PIP5K1C: variants seen among roughly 807,000 people sequenced by gnomAD.
PIP5K1C encodes phosphatidylinositol-4-phosphate 5-kinase type 1 gamma.
In PIP5K1C, 45 loss-of-function variants were observed where a neutral mutation model predicts 80.1. The ratio of observed to expected loss-of-function variants is 0.56; its 90% confidence interval spans 0.44 to 0.72. The LOEUF (loss-of-function observed/expected upper bound fraction) is 0.72. Among genes scored for constraint, PIP5K1C ranks in the 30% least tolerant of loss-of-function variants. The pLI is 0.00. For synonymous variants in PIP5K1C, 498 were observed against 420.1 expected (o/e 1.19, Z -2.27); for missense variants, 753 against 954.6 (o/e 0.79, Z 2.78).
chr19:3,646,483 G>C (rs191596005), intron 10 of PIP5K1C, among the ~76,000 whole-genome samples: 96 of 152,226 alleles, frequency 6.3e-4, no homozygotes, highest in African/African-American at 2.1e-3. Context: ...CACGTACCAG[G>C]ACTGTGAACG....
At chr19:3,668,418 G>A (rs1434172288) in intron 1 of PIP5K1C, 3 of 152,314 alleles carry the variant, frequency 2.0e-5, no homozygotes, top group African/African-American at 7.2e-5. Context: ...GTCAGACAGA[G>A]ACTGGAAGAG....
chr19:3,647,252 AGGGAGGAGGGAT>A (rs1477183236), intron 10 of PIP5K1C, 74 bp downstream of exon 10: 2 of 1,106,722 alleles, frequency 1.8e-6, no homozygotes, highest in Non-Finnish European at 2.6e-6. Flanking sequence ...GCACTCACAG[AGGGAGGAGGGAT>A]GGGAGGAGGG....
Position 3,637,749 on chromosome 19 carries a change from A to T in PIP5K1C, c.1920+1135T>A. ...AGGTGGGGACAGCTGACTGCCAAGC[A>T]GAAGGTGGGGGGTGCCGGGGCAGGG... On this transcript the variant is annotated intron_variant, in intron 16 of 17. Transcript: ENST00000335312. This position sits in a 1 kb window ranked among gnomAD's most constrained non-coding sequence, Gnocchi z 7.0. The T allele has an allele frequency of 1.3e-6, 2 of 1,525,898 alleles. No individual in the cohort carries two copies. The highest frequency in any genetic ancestry group is 1.8e-6 in the Non-Finnish European group (2 of 1,141,692). The allele number at this position is 1,525,898 out of a possible 1,614,324, so 94.5% of individuals were successfully genotyped here. A position where few individuals can be genotyped will look rare whatever the true frequency, so the allele number is the denominator to read the frequency against.
intron 15 of PIP5K1C, among the ~76,000 whole-genome samples, chr19:3,639,668 GC>G (rs2033881849): frequency 1.3e-5 from 2 of 151,900 alleles, no homozygotes; most frequent in African/African-American, 4.8e-5. Context: ...ATGGGGTCAA[GC>G]GATCCTCCTG....
chr19:3,639,462 G>C (rs2033867414), intron 15 of PIP5K1C, among the ~76,000 whole-genome samples: 1 of 152,146 alleles, frequency 6.6e-6, no homozygotes, highest in African/African-American at 2.4e-5. Context: ...GACAGGCCCT[G>C]GCTCCATCAG....
In PIP5K1C at chr19:3,645,508, C is replaced by T. The variant is rs72978649; in HGVS notation, c.1345+466G>A. On this transcript the variant is annotated intron_variant, in intron 11 of 17. Transcript: ENST00000335312. ...CCCACCTTCCCCACCACTGTTTGCC[C>T]TGGGACCTTCCCGACCATGCCCTGC... Among the ~76,000 whole-genome samples the T allele has an allele frequency of 7.5e-3, 1,146 of 152,360 alleles. 5 individuals carry two copies. The highest frequency in any genetic ancestry group is 0.013 in the Non-Finnish European group (852 of 68,024).
At chr19:3,662,705 A>G (rs186378067) in intron 3 of PIP5K1C, among the ~76,000 whole-genome samples, 64 of 151,542 alleles carry the variant, frequency 4.2e-4, no homozygotes, top group Non-Finnish European at 7.9e-4. Context: ...AGCTGGGATT[A>G]TAGGTGCGCG....
At chr19:3,635,609 C>T (rs2033650617) in intron 16 of PIP5K1C, among the ~76,000 whole-genome samples, 1 of 151,900 alleles carries the variant, frequency 6.6e-6, no homozygotes, top group African/African-American at 2.4e-5. Context: ...CGCTTGAACC[C>T]AGGCCAGAGG....
chr19:3,642,291 C>T (rs1448327118), intron 14 of PIP5K1C, among the ~76,000 whole-genome samples: 2 of 152,246 alleles, frequency 1.3e-5, no homozygotes, highest in African/African-American at 2.4e-5. Context: ...CGCGCCACTG[C>T]CCCAGTGTTC....
Position 3,636,617 on chromosome 19 carries a change from G to A in PIP5K1C, c.1920+2267C>T, listed in dbSNP as rs983187670. On this transcript the variant is annotated intron_variant, in intron 16 of 17. Coordinates refer to ENST00000335312, the MANE Select transcript of PIP5K1C (RefSeq NM_012398.3). Reference sequence around the variant, plus strand: ...TGGACGATCTCCGGGGCACGGCTTCGCGGTGGCTGGCTTCCCGCTGGCTCC... The same window carrying A: ...TGGACGATCTCCGGGGCACGGCTTCACGGTGGCTGGCTTCCCGCTGGCTCC... 1.0e-5 allele frequency: 10 copies of A among 985,558 alleles called. No individual in the cohort carries two copies. The Admixed American group carries it at 3.7e-4, about 36-fold the overall frequency. 61.1% of individuals were successfully genotyped at this position (985,558 alleles called of 1,614,324 possible).
intron 5 of PIP5K1C, among the ~76,000 whole-genome samples, chr19:3,658,182 C>G (rs1305853886): frequency 6.6e-6 from 1 of 152,224 alleles, no homozygotes; most frequent in Non-Finnish European, 1.5e-5. Flanking sequence ...GGAACGGCGC[C>G]ATCAGTTATC....
At chr19:3,636,497 T>G in intron 16 of PIP5K1C, 4 of 985,548 alleles carry the variant, frequency 4.1e-6, no homozygotes, top group Non-Finnish European at 4.8e-6. Flanking sequence ...GTAGGCGGCC[T>G]CTGCGAACTG....
rs2033487881 is a variant in PIP5K1C at position 3,632,124 on chromosome 19, C to T, written c.*1043G>A. The T allele has an allele frequency of 6.6e-6, 1 of 152,314 alleles. No homozygotes were observed. Among genetic ancestry groups the T allele is most frequent in the African/African-American group, 2.4e-5 (1 of 41,468 alleles). The allele number at this position is 152,314 out of a possible 1,614,324, so 9.4% of individuals were successfully genotyped here. On this transcript the variant is annotated 3_prime_UTR_variant, in exon 18 of 18. Transcript: ENST00000335312. ...TGAGTCGGAAACAAAGTCTTCTCTC[C>T]CCTCCTCGGAGACATCACATCACTT...
Position 3,664,869 on chromosome 19 carries a change from A to G in PIP5K1C, c.172T>C (p.Leu58=). The G allele has an allele frequency of 1.2e-6, 2 of 1,613,288 alleles. No homozygotes were observed. The highest frequency in any genetic ancestry group is 1.7e-6 in the Non-Finnish European group (2 of 1,179,988). Residue 58 remains leucine (L), a synonymous_variant, in exon 3 of 18, where the codon TTG becomes CTG. Transcript: ENST00000335312. ...AQPGPGHGKK[L]GHRGVDASGE... is the part of the protein sequence containing the mutation. ...GATGCGTCCACACCTCGATGGCCCA[A>G]CTTCTTCCCATGGCCAGGGCCCGGC...
At chr19:3,645,362 G>C (rs528552153) in intron 11 of PIP5K1C, among the ~76,000 whole-genome samples, 43 of 152,344 alleles carry the variant, frequency 2.8e-4, no homozygotes, top group African/African-American at 9.9e-4. Flanking sequence ...CACGGGCTGA[G>C]GTCTGCACAG....
chr19:3,670,882 C>T (rs1274388954), intron 1 of PIP5K1C, among the ~76,000 whole-genome samples: 2 of 152,162 alleles, frequency 1.3e-5, no homozygotes, highest in African/African-American at 2.4e-5. Context: ...AAGGGAAAGA[C>T]GGGCTGCTTC....
At position 3,656,457 on chromosome 19, in the gene PIP5K1C, A is replaced by G. The variant is rs2034636722; in HGVS notation, c.569T>C (p.Val190Ala). The change falls in exon 6 of 18, where the codon GTC (valine) becomes GCC (alanine). Residue 190 changes from valine (V) to alanine (A), a missense_variant. Val to Ala is a moderately conservative substitution (Grantham distance 64). Around this residue, in one of 6 missense-constraint regions of PIP5K1C, gnomAD observed 139 missense variants for 289.7 expected, o/e 0.48. Transcript: ENST00000335312. ...CAGGAACTCGGCCTCCTTGTGCATG[A>G]CGGTCTTGATGATGAACTCGTCGTC... ...TSDDEFIIKT[V>A]MHKEAEFLQK... 6.2e-7 allele frequency: 1 copy of G among 1,613,558 alleles called. No individual in the cohort carries two copies. Among genetic ancestry groups the G allele is most frequent in the Non-Finnish European group, 8.5e-7 (1 of 1,180,038 alleles).
Position 3,679,422 on chromosome 19 carries a change from G to A in PIP5K1C, c.95-12069C>T, listed in dbSNP as rs538901884. ...AGCCTCTCACCTCCCCAGGGAGACC[G>A]TCCTCACAGCCACCTTCCTACCCGC... On this transcript the variant is annotated intron_variant, in intron 1 of 17. Coordinates refer to ENST00000335312, the MANE Select transcript of PIP5K1C (RefSeq NM_012398.3). 3.3e-5 allele frequency among the ~76,000 whole-genome samples: 5 copies of A among 152,310 alleles called. No homozygotes were observed. In the East Asian group the frequency reaches 7.7e-4, roughly 24 times the overall value.
intron 3 of PIP5K1C, among the ~76,000 whole-genome samples, chr19:3,663,496 C>T (rs373552289): frequency 2.0e-5 from 3 of 152,194 alleles, no homozygotes; most frequent in South Asian, 2.1e-4. Flanking sequence ...CCCGCAAAGA[C>T]GCTCCATGCC....
Sources: allele counts gnomAD v4.1 joint callset (sites outside exome capture counted in the v4.1 genomes callset), GRCh38; gene constraint gnomAD v4.1.1; regional missense constraint gnomAD v4.1.1; non-coding constraint Gnocchi (gnomAD v3.1); transcripts MANE v1.5; gene names NCBI Gene and HGNC (gene_info 2026-07-23, HGNC 2026-07-21).